Variants in STK24 observed in about 807,000 individuals in gnomAD.
The protein encoded by STK24 is serine/threonine-protein kinase 24.
Under a neutral mutation model 55.6 loss-of-function variants are expected in STK24, and 21 were observed. That is an observed-to-expected ratio of 0.38 (90% CI 0.27 to 0.54). The LOEUF (loss-of-function observed/expected upper bound fraction) is 0.54. Ranked by LOEUF, STK24 falls within the 20% of genes least tolerant of loss-of-function variation. STK24 has a pLI of 0.79. For missense variants in STK24, 383 were observed against 538.4 expected, an observed-to-expected ratio of 0.71 and a Z score of 2.86; for synonymous variants, 200 against 215.2, an observed-to-expected ratio of 0.93 and a Z score of 0.62.
In STK24 at chr13:98,452,983, T is replaced by G. The variant is rs1306055992; in HGVS notation, c.*190A>C. The G allele has an allele frequency of 1.9e-6, 1 of 531,804 alleles. No individual in the cohort carries two copies. The highest frequency in any genetic ancestry group is 3.3e-6 in the Non-Finnish European group (1 of 303,716). 32.9% of individuals were successfully genotyped at this position (531,804 alleles called of 1,614,324 possible). A position where few individuals can be genotyped will look rare whatever the true frequency, so the allele number is the denominator to read the frequency against. On this transcript the variant is annotated 3_prime_UTR_variant, in exon 11 of 11. Coordinates refer to ENST00000539966, the MANE Select transcript of STK24 (RefSeq NM_001032296.4). Reference sequence around the variant, plus strand: ...GGAAGGAGCTGACCCTCCCCACCCATCTGAGAGACTTCATCTGGCTGCAGC... The same window carrying G: ...GGAAGGAGCTGACCCTCCCCACCCAGCTGAGAGACTTCATCTGGCTGCAGC...
intron 1 of STK24, among the ~76,000 whole-genome samples, chr13:98,538,258 C>T (rs373283468): frequency 3.1e-5 from 4 of 127,490 alleles, no homozygotes. Flanking sequence ...TGGAGTCTCG[C>T]TCTGTTGACC....
chr13:98,515,326 C>T (rs184317906), intron 2 of STK24, among the ~76,000 whole-genome samples: 179 of 152,208 alleles, frequency 1.2e-3, no homozygotes, highest in Middle Eastern at 3.4e-3. Context: ...TTCATTTTGA[C>T]TTCGTGGATG....
chr13:98,576,655 C>A, intron 1 of STK24, 90 bp downstream of exon 1: 1 of 1,187,982 alleles, frequency 8.4e-7, no homozygotes, highest in South Asian at 1.5e-5. Context: ...CCCCGGCCGG[C>A]TGAGCGTAGG....
chr13:98,524,243 CGA>C (rs1164241925), intron 1 of STK24, among the ~76,000 whole-genome samples: 2 of 152,070 alleles, frequency 1.3e-5, no homozygotes, highest in Non-Finnish European at 2.9e-5. Context: ...CCCCACCCCC[CGA>C]GACTTTGCCT....
chr13:98,543,085 C>T (rs1455207545), intron 1 of STK24: 11 of 927,490 alleles, frequency 1.2e-5, no homozygotes, highest in Non-Finnish European at 1.2e-5. Flanking sequence ...GGGGAGAGGC[C>T]GCAGCTCCGC....
At chr13:98,503,024 G>GTGTTTTTTTT (rs1555306356) in intron 2 of STK24, among the ~76,000 whole-genome samples, 3 of 107,084 alleles carry the variant, frequency 2.8e-5, no homozygotes, top group South Asian at 5.9e-4. Flanking sequence ...CTTTCCATGT[G>GTGTTTTTTTT]TTTTTTTTTT....
chr13:98,495,065 C>T (rs1746918603), intron 2 of STK24, among the ~76,000 whole-genome samples: 2 of 152,224 alleles, frequency 1.3e-5, no homozygotes, highest in African/African-American at 4.8e-5. Flanking sequence ...AAACCAGGTC[C>T]GATGTCAGCA....
intron 10 of STK24, chr13:98,456,190 G>A (rs1306913668): frequency 5.2e-6 from 1 of 192,086 alleles, no homozygotes; most frequent in Non-Finnish European, 1.1e-5. Context: ...TTCTCCTGCT[G>A]TCCCCACGTA....
intron 1 of STK24, among the ~76,000 whole-genome samples, chr13:98,529,939 TAGAA>T (rs1332921145): frequency 6.6e-6 from 1 of 151,974 alleles, no homozygotes; most frequent in East Asian, 1.9e-4. Context: ...CCTCTTAAAA[TAGAA>T]AGGGTCTACC....
intron 2 of STK24, among the ~76,000 whole-genome samples, chr13:98,505,617 C>G (rs1895654627): frequency 6.6e-6 from 1 of 152,236 alleles, no homozygotes; most frequent in South Asian, 2.1e-4. Context: ...AATCAAAATT[C>G]TGTAAACTAA....
chr13:98,490,281 A>G (rs141479372), intron 2 of STK24, among the ~76,000 whole-genome samples: 72 of 152,328 alleles, frequency 4.7e-4, no homozygotes, highest in African/African-American at 1.6e-3. Context: ...TGCAGGCCCC[A>G]AATGCTGAAC....
chr13:98,521,976 G>A (rs369592548), intron 1 of STK24: 26 of 1,422,506 alleles, frequency 1.8e-5, no homozygotes, highest in South Asian at 5.5e-5. Flanking sequence ...TAAAACAAAC[G>A]AAAGCACTCT....
chr13:98,532,727 A>G (rs554492413), intron 1 of STK24, among the ~76,000 whole-genome samples: 7 of 152,378 alleles, frequency 4.6e-5, no homozygotes, highest in African/African-American at 1.7e-4. Flanking sequence ...TGTTATTTCT[A>G]GCCTACTGAT....
chr13:98,535,355 A>C lies in STK24; in HGVS notation c.43-15882T>G, dbSNP rs1395762221. Among the ~76,000 whole-genome samples, 7 of 39,514 alleles carry C rather than the reference A, an allele frequency of 1.8e-4. No individual in the cohort carries two copies. The South Asian group carries it at 5.0e-3, about 28-fold the overall frequency. 25.9% of individuals were successfully genotyped at this position (39,514 alleles called of 152,430 possible). A position where few individuals can be genotyped will look rare whatever the true frequency, so the allele number is the denominator to read the frequency against. ...TCTGTCTCAAACAAACAAACAAACA[A>C]ACAAACAAAAAAAAAATATATATAT... is the stretch of plus-strand genomic sequence containing the variant. On this transcript the variant is annotated intron_variant, in intron 1 of 10. Coordinates refer to ENST00000539966, the MANE Select transcript of STK24 (RefSeq NM_001032296.4).
At chr13:98,539,455 T>C (rs1357817441) in intron 1 of STK24, among the ~76,000 whole-genome samples, 1 of 137,672 alleles carries the variant, frequency 7.3e-6, no homozygotes, top group Non-Finnish European at 1.6e-5. Context: ...AAAATAATGC[T>C]AGATTTTAAA....
chr13:98,474,014 G>A (rs571090297), intron 5 of STK24, among the ~76,000 whole-genome samples: 1 of 152,314 alleles, frequency 6.6e-6, no homozygotes, highest in Non-Finnish European at 1.5e-5. Context: ...TTGGAGCCCA[G>A]GAAAGCCAAT....
At chr13:98,475,135 G>A in intron 4 of STK24, 115 bp downstream of exon 4, 1 of 1,403,692 alleles carries the variant, frequency 7.1e-7, no homozygotes, top group East Asian at 2.4e-5. Flanking sequence ...GCCCAGCCCA[G>A]GCAAGGCAAA....
At chr13:98,465,477 G>A (rs1594579326) in intron 6 of STK24, among the ~76,000 whole-genome samples, 1 of 152,230 alleles carries the variant, frequency 6.6e-6, no homozygotes, top group East Asian at 1.9e-4. Context: ...AAACATCATC[G>A]TGTAATAAAA....
chr13:98,517,488 C>T (rs1400065752), intron 2 of STK24, among the ~76,000 whole-genome samples: 12 of 152,028 alleles, frequency 7.9e-5, no homozygotes, highest in Admixed American at 6.6e-5. Flanking sequence ...TAGCCGGGCA[C>T]GGTGGTTGGT....
Sources: gnomAD v4.1 joint callset for allele counts (sites outside exome capture counted in the v4.1 genomes callset) on GRCh38, gnomAD v4.1.1 for gene constraint, MANE v1.5 for transcripts, NCBI Gene and HGNC (gene_info 2026-07-23, HGNC 2026-07-21) for gene names.